FTO: variants seen among roughly 807,000 people sequenced by gnomAD.
The protein encoded by FTO is FTO alpha-ketoglutarate dependent dioxygenase, also known as alpha-ketoglutarate-dependent dioxygenase FTO.
Under a neutral mutation model 63.9 loss-of-function variants are expected in FTO, and 47 were observed. The observed-to-expected ratio is 0.74, with a 90% CI of 0.58 to 0.94. The LOEUF (loss-of-function observed/expected upper bound fraction) is 0.94, where lower values mean the gene tolerates loss of function less well. Among genes scored for constraint, FTO ranks in the 40% least tolerant of loss-of-function variants. The pLI, the probability that FTO is intolerant of heterozygous loss-of-function variation, is 0.00. For synonymous variants in FTO, 207 were observed against 224.4 expected, an observed-to-expected ratio of 0.92 and a Z score of 0.69; for missense variants, 562 against 618.1, an observed-to-expected ratio of 0.91 and a Z score of 0.96.
At chr16:53,919,142 A>G (rs2081951973) in intron 7 of FTO, among the ~76,000 whole-genome samples, 2 of 152,120 alleles carry the variant, frequency 1.3e-5, no homozygotes, top group African/African-American at 4.8e-5. Context: ...AAATTACTTA[A>G]CCTTTCTGAG....
intron 8 of FTO, among the ~76,000 whole-genome samples, chr16:54,028,015 G>A (rs982471658): frequency 6.6e-6 from 1 of 151,844 alleles, no homozygotes; most frequent in Non-Finnish European, 1.5e-5. Flanking sequence ...GTTTTGGGGG[G>A]CTTTTTTTAA....
At chr16:53,997,144 G>GAA (rs2083951910) in intron 8 of FTO, among the ~76,000 whole-genome samples, 1 of 6,206 alleles carries the variant, frequency 1.6e-4, no homozygotes, top group South Asian at 0.019. Flanking sequence ...AGGAAAGAAA[G>GAA]AGAGAGAGAG....
intron 8 of FTO, among the ~76,000 whole-genome samples, chr16:54,087,322 T>C (rs892862778): frequency 6.6e-6 from 1 of 152,234 alleles, no homozygotes; most frequent in Non-Finnish European, 1.5e-5. Flanking sequence ...CTTCTAAAGC[T>C]TAGATGTTTA....
At chr16:53,982,083 A>C (rs1390413700) in intron 8 of FTO, among the ~76,000 whole-genome samples, 1 of 151,538 alleles carries the variant, frequency 6.6e-6, no homozygotes, top group African/African-American at 2.4e-5. Context: ...CTGTTAAAAA[A>C]AAAAACAAAA....
chr16:54,011,003 G>T (rs2084321974), intron 8 of FTO, among the ~76,000 whole-genome samples: 3 of 152,184 alleles, frequency 2.0e-5, no homozygotes, highest in Admixed American at 1.3e-4. Context: ...CTGGAGGGGA[G>T]GGGAGAGGAA....
chr16:53,824,024 C>G (rs1293522332), intron 2 of FTO, among the ~76,000 whole-genome samples: 1 of 152,156 alleles, frequency 6.6e-6, no homozygotes, highest in African/African-American at 2.4e-5. Flanking sequence ...TAGTCCAGAC[C>G]ATCACTTTTC....
intron 5 of FTO, 41 bp from the exon 6 acceptor site, chr16:53,879,803 G>T: frequency 6.2e-7 from 1 of 1,608,286 alleles, no homozygotes; most frequent in Non-Finnish European, 8.5e-7. Context: ...AGTAAACTTA[G>T]ATTTTGCCCA....
At chr16:53,865,822 A>G (rs776869761) in intron 4 of FTO, among the ~76,000 whole-genome samples, 5 of 152,202 alleles carry the variant, frequency 3.3e-5, no homozygotes, top group Non-Finnish European at 7.3e-5. Context: ...TTTGCTACAC[A>G]GACAATAATA....
At chr16:53,877,023 A>G (rs1282695178) in intron 5 of FTO, among the ~76,000 whole-genome samples, 1 of 152,224 alleles carries the variant, frequency 6.6e-6, no homozygotes, top group African/African-American at 2.4e-5. Context: ...CAAAACCACG[A>G]CGGGATAACA....
intron 6 of FTO, among the ~76,000 whole-genome samples, chr16:53,881,066 G>C (rs1283173483): frequency 6.6e-6 from 1 of 151,188 alleles, no homozygotes; most frequent in Non-Finnish European, 1.5e-5. Flanking sequence ...AGCTTGCAGT[G>C]AGCCAAGATC....
intron 8 of FTO, among the ~76,000 whole-genome samples, chr16:54,092,442 A>T (rs1353161589): frequency 6.6e-6 from 1 of 152,218 alleles, no homozygotes; most frequent in African/African-American, 2.4e-5. Flanking sequence ...AGGAGAGAAG[A>T]TAAGAACCTC....
chr16:53,985,533 T>A (rs145036206), intron 8 of FTO, among the ~76,000 whole-genome samples: 6 of 152,318 alleles, frequency 3.9e-5, no homozygotes, highest in Non-Finnish European at 8.8e-5. Flanking sequence ...TTGCTGAGAT[T>A]AGAGCACTGT....
rs185163443 is a variant in FTO at position 53,750,623 on chromosome 16, A to G, written c.45+46394A>G. Reference sequence around the variant, plus strand: ...TTAATAGGGGCCATATGTGGCCTGCAAAGCCTGAAATGTTACTAGTTAGTC... The same window carrying G: ...TTAATAGGGGCCATATGTGGCCTGCGAAGCCTGAAATGTTACTAGTTAGTC... On this transcript the variant is annotated intron_variant, in intron 1 of 8. Coordinates refer to ENST00000471389, the MANE Select transcript of FTO (RefSeq NM_001080432.3). Among the ~76,000 whole-genome samples the G allele has an allele frequency of 2.8e-3, 426 of 152,362 alleles. 4 individuals carry two copies. Among genetic ancestry groups the G allele is most frequent in the African/African-American group, 9.2e-3 (381 of 41,580 alleles).
At chr16:53,990,726 TG>T (rs1424499211) in intron 8 of FTO, among the ~76,000 whole-genome samples, 3 of 147,274 alleles carry the variant, frequency 2.0e-5, no homozygotes, top group Non-Finnish European at 4.5e-5. Context: ...GGAGTGCAGT[TG>T]TATGATCTCG....
At chr16:53,996,187 A>G (rs1361774285) in intron 8 of FTO, among the ~76,000 whole-genome samples, 1 of 152,202 alleles carries the variant, frequency 6.6e-6, no homozygotes, top group African/African-American at 2.4e-5. Flanking sequence ...TTCTGGTTCA[A>G]TAAGAAGCAC....
intron 4 of FTO, among the ~76,000 whole-genome samples, chr16:53,863,428 G>C (rs965005234): frequency 2.0e-5 from 3 of 152,216 alleles, no homozygotes; most frequent in African/African-American, 7.2e-5. Flanking sequence ...AAGAAGATGT[G>C]TCCTTACACA....
At chr16:54,052,658 A>G (rs1230884710) in intron 8 of FTO, 1 of 152,200 alleles carries the variant, frequency 6.6e-6, no homozygotes, top group African/African-American at 2.4e-5. Flanking sequence ...TGTGATGCCC[A>G]TCTAAAATAC....
chr16:53,820,287 G>A (rs1598744432), intron 2 of FTO, among the ~76,000 whole-genome samples: 2 of 152,080 alleles, frequency 1.3e-5, no homozygotes, highest in South Asian at 4.2e-4. Context: ...GGGATTACAG[G>A]TGTAAGCCAC....
At chr16:53,900,841 C>T (rs958756157) in intron 7 of FTO, among the ~76,000 whole-genome samples, 1 of 152,110 alleles carries the variant, frequency 6.6e-6, no homozygotes, top group Non-Finnish European at 1.5e-5. Flanking sequence ...TGGGAAAACA[C>T]AGACCTGCTC....
Sources: allele counts gnomAD v4.1 joint callset (sites outside exome capture counted in the v4.1 genomes callset), GRCh38; gene constraint gnomAD v4.1.1; transcripts MANE v1.5; gene names NCBI Gene and HGNC (gene_info 2026-07-23, HGNC 2026-07-21).